The following VPS54 variants were observed in gnomAD, a reference collection of about 807,000 sequenced individuals.
The protein encoded by VPS54 is vacuolar protein sorting-associated protein 54.
VPS54 carries 45 observed loss-of-function variants against 121.5 expected under a neutral mutation model. The ratio of observed to expected loss-of-function variants is 0.37; its 90% CI spans 0.29 to 0.47. The LOEUF is 0.47. Ranked by LOEUF, VPS54 falls within the 20% of genes least tolerant of loss-of-function variation. The pLI, the probability that VPS54 is intolerant of heterozygous loss-of-function variation, is 0.99. For synonymous variants in VPS54, 371 were observed against 385.8 expected, an observed-to-expected ratio of 0.96 and a Z score of 0.45; for missense variants, 1,090 against 1,131.4, an observed-to-expected ratio of 0.96 and a Z score of 0.52.
chr2:64,014,095 C>A (rs923799041), intron 1 of VPS54, among the ~76,000 whole-genome samples: 8 of 150,510 alleles, frequency 5.3e-5, no homozygotes, highest in Non-Finnish European at 1.0e-4. Context: ...TAAAAGAAAT[C>A]TAGAAGGAAA....
intron 16 of VPS54, among the ~76,000 whole-genome samples, chr2:63,914,755 A>G (rs1408732353): frequency 6.6e-6 from 1 of 151,728 alleles, no homozygotes; most frequent in Non-Finnish European, 1.5e-5. Context: ...CCTAGTCCAG[A>G]TTTTCTTAGT....
chr2:63,970,244 TATATATATAGATATATATAG>T (rs56662650), intron 4 of VPS54, among the ~76,000 whole-genome samples: 1,709 of 97,878 alleles, frequency 0.017, 24 homozygotes, highest in African/African-American at 0.041. Flanking sequence ...CACATTCTAA[TATATATATAGATATATATAG>T]ATATATATAG....
At chr2:63,978,780 C>T (rs147595193) in intron 3 of VPS54, among the ~76,000 whole-genome samples, 3,597 of 152,002 alleles carry the variant, frequency 0.024, 62 homozygotes, top group Non-Finnish European at 0.037. Flanking sequence ...CCACCACACC[C>T]GGCTAATTTT....
intron 12 of VPS54, among the ~76,000 whole-genome samples, chr2:63,930,094 G>C (rs1011350239): frequency 6.7e-6 from 1 of 149,734 alleles, no homozygotes; most frequent in African/African-American, 2.5e-5. Flanking sequence ...ACGAGGAAGA[G>C]CTAGTACCAT....
chr2:63,948,715 A>C (rs566714814), intron 8 of VPS54, among the ~76,000 whole-genome samples: 1 of 152,268 alleles, frequency 6.6e-6, no homozygotes, highest in South Asian at 2.1e-4. Flanking sequence ...ATCACTTTTT[A>C]TAAAAGACAA....
chr2:63,933,399 C>T (rs550513931), intron 12 of VPS54, among the ~76,000 whole-genome samples: 5 of 152,226 alleles, frequency 3.3e-5, no homozygotes, highest in African/African-American at 1.2e-4. Flanking sequence ...GCTCTCTGGG[C>T]ATCAATTACC....
At chr2:63,977,404 A>T (rs1490422601) in intron 3 of VPS54, among the ~76,000 whole-genome samples, 1 of 152,220 alleles carries the variant, frequency 6.6e-6, no homozygotes, top group Non-Finnish European at 1.5e-5. Flanking sequence ...ACTTCCTTGA[A>T]GCCTTACTTC....
intron 14 of VPS54, 33 bp downstream of exon 14, chr2:63,920,413 A>T: frequency 7.0e-7 from 1 of 1,425,870 alleles, no homozygotes; most frequent in Non-Finnish European, 9.2e-7. Context: ...AAAATGAAAA[A>T]ATCAAACAAC....
chr2:63,983,822 A>T (rs1676914452), intron 2 of VPS54, 42 bp downstream of exon 2: 1 of 1,556,970 alleles, frequency 6.4e-7, no homozygotes, highest in Non-Finnish European at 8.7e-7. Context: ...TAAAGATAAT[A>T]GAAATCATCA....
chr2:63,984,302 A>G (rs1676941416), intron 1 of VPS54, among the ~76,000 whole-genome samples: 1 of 152,252 alleles, frequency 6.6e-6, no homozygotes, highest in Admixed American at 6.5e-5. Flanking sequence ...AAAACACTCT[A>G]TTCATTCAGC....
rs748245666 is a variant in VPS54, at chr2:63,933,686, C to G, written c.1726G>C (p.Gly576Arg). The G allele has an allele frequency of 6.2e-7, 1 of 1,612,164 alleles. No individual in the cohort carries two copies. The highest frequency in any genetic ancestry group is 1.1e-5 in the South Asian group (1 of 91,040). The change falls in exon 12 of 23, where the codon GGT becomes CGT. Residue 576 changes from glycine to arginine, a missense_variant. Physicochemically the swap from Gly to Arg is moderately radical, Grantham distance 125. This residue lies in a region of VPS54 where 801 missense variants were observed against 757.0 expected (regional missense o/e 1.06). Coordinates refer to ENST00000272322, the MANE Select transcript of VPS54 (RefSeq NM_016516.3). ...CACTATACTCACATAATATCCACAC[C>G]TCCTGGAATAGCAGATGATGATGTG... ...EHTSSSAIPGGVDIMVSEDMK... is the reference protein window; with the variant it reads ...EHTSSSAIPGRVDIMVSEDMK...
chr2:63,916,748 C>T, intron 16 of VPS54, 152 bp downstream of exon 16: 1 of 689,426 alleles, frequency 1.5e-6, no homozygotes. Flanking sequence ...ATAAAGTTTC[C>T]TTTAAGTTCT....
chr2:63,980,287 G>GTTAA (rs1676747933), intron 3 of VPS54, among the ~76,000 whole-genome samples: 1 of 151,986 alleles, frequency 6.6e-6, no homozygotes, highest in South Asian at 2.1e-4. Flanking sequence ...TCTGACTACT[G>GTTAA]TTAAGCATGG....
chr2:63,990,214 C>A (rs1007118053), intron 1 of VPS54, among the ~76,000 whole-genome samples: 6 of 152,180 alleles, frequency 3.9e-5, no homozygotes, highest in Non-Finnish European at 5.9e-5. Context: ...ACTCCTCCCC[C>A]ACCTAACGAT....
chr2:63,912,194 TC>T, intron 20 of VPS54, 150 bp downstream of exon 20: 1 of 762,978 alleles, frequency 1.3e-6, no homozygotes, highest in Admixed American at 3.1e-5. Context: ...GGTCACATTT[TC>T]CTGAAAAAAA....
At chr2:63,898,450 A>T (rs1672534542) in intron 21 of VPS54, among the ~76,000 whole-genome samples, 2 of 152,210 alleles carry the variant, frequency 1.3e-5, no homozygotes, top group African/African-American at 2.4e-5. Flanking sequence ...CATGATATTT[A>T]TTCATGAGTT....
intron 3 of VPS54, among the ~76,000 whole-genome samples, chr2:63,976,806 C>T (rs1575980287): frequency 2.1e-5 from 3 of 146,000 alleles, no homozygotes; most frequent in East Asian, 4.0e-4. Flanking sequence ...ATTTTTGATA[C>T]TAGTAGCTTA....
intron 11 of VPS54, among the ~76,000 whole-genome samples, chr2:63,934,565 T>C (rs997918500): frequency 1.3e-5 from 2 of 152,178 alleles, no homozygotes; most frequent in African/African-American, 4.8e-5. Context: ...TTTGCACATA[T>C]TTCCTTCTCA....
At chr2:63,926,130 T>TC (rs1558996352) in intron 12 of VPS54, among the ~76,000 whole-genome samples, 2 of 152,180 alleles carry the variant, frequency 1.3e-5, no homozygotes, top group Non-Finnish European at 2.9e-5. Context: ...GTCCTCTCCT[T>TC]CCTGCTGCTA....
Sources: allele counts gnomAD v4.1 joint callset (sites outside exome capture counted in the v4.1 genomes callset), GRCh38; gene constraint gnomAD v4.1.1; regional missense constraint gnomAD v4.1.1; transcripts MANE v1.5; gene names NCBI Gene and HGNC (gene_info 2026-07-23, HGNC 2026-07-21).